TSHZ2: variants seen among roughly 807,000 people sequenced by gnomAD.
The protein encoded by TSHZ2 is teashirt zinc finger homeobox 2.
TSHZ2 carries 21 observed loss-of-function variants against 74.4 expected under a neutral mutation model. The observed-to-expected ratio is 0.28, with a 90% CI of 0.20 to 0.41. The LOEUF (loss-of-function observed/expected upper bound fraction) is 0.41, where lower values mean the gene tolerates loss of function less well. Among genes scored for constraint, TSHZ2 ranks in the 10% least tolerant of loss-of-function variants. The pLI, the probability that TSHZ2 is intolerant of heterozygous loss-of-function variation, is 1.00. For synonymous variants in TSHZ2, 540 were observed against 515.3 expected (o/e 1.05, Z -0.65); for missense variants, 1,244 against 1,293.5 (o/e 0.96, Z 0.59).
chr20:53,265,187 C>G (rs1320265661), intron 2 of TSHZ2, among the ~76,000 whole-genome samples: 1 of 152,178 alleles, frequency 6.6e-6, no homozygotes, highest in African/African-American at 2.4e-5. Flanking sequence ...GGTTCAGTGA[C>G]TTAACCCAGG....
intron 1 of TSHZ2, among the ~76,000 whole-genome samples, chr20:53,044,619 A>G (rs6097204): frequency 0.014 from 2,137 of 152,286 alleles, 52 homozygotes; most frequent in African/African-American, 0.044. Flanking sequence ...CCAACTCTGA[A>G]GTGTAAGTCA....
chr20:53,206,903 A>T (rs1262077800), intron 1 of TSHZ2, among the ~76,000 whole-genome samples: 1 of 152,084 alleles, frequency 6.6e-6, no homozygotes, highest in Non-Finnish European at 1.5e-5. Context: ...TTTTGCTCCC[A>T]TCCACCTGGT....
chr20:53,462,969 T>C (rs1209946092), intron 2 of TSHZ2, among the ~76,000 whole-genome samples: 2 of 152,176 alleles, frequency 1.3e-5, no homozygotes, highest in South Asian at 2.1e-4. Flanking sequence ...CTCCCTTTTG[T>C]TGTGGGGGCC....
chr20:53,185,466 T>C, intron 1 of TSHZ2: 2 of 1,370,532 alleles, frequency 1.5e-6, no homozygotes, highest in Non-Finnish European at 1.9e-6. Flanking sequence ...GATCATGAGG[T>C]CAGGAGTTCA....
intron 1 of TSHZ2, among the ~76,000 whole-genome samples, chr20:53,086,925 G>A (rs73140208): frequency 0.044 from 6,712 of 152,264 alleles, 205 homozygotes; most frequent in Non-Finnish European, 0.067. Context: ...CATGTTAGAC[G>A]TGAAATGCTA....
rs1986331345 is a variant in TSHZ2 at position 53,487,765 on chromosome 20, T to G, written c.*630T>G. On this transcript the variant is annotated 3_prime_UTR_variant, in exon 3 of 3. Coordinates refer to ENST00000371497, the MANE Select transcript of TSHZ2 (RefSeq NM_173485.6). ...GAAGAATTATTAAGTTAAACCAGAG[T>G]TTGAGCCAAGAAAACCCCTGAACAA... The G allele has an allele frequency of 6.6e-6, 1 of 152,100 alleles. No homozygotes were observed. The highest frequency in any genetic ancestry group is 2.4e-5 in the African/African-American group (1 of 41,402). The allele number at this position is 152,100 out of a possible 1,614,324, so 9.4% of individuals were successfully genotyped here. A position where few individuals can be genotyped will look rare whatever the true frequency, so the allele number is the denominator to read the frequency against.
chr20:53,454,385 C>A (rs1600653065), intron 2 of TSHZ2, among the ~76,000 whole-genome samples: 4 of 151,834 alleles, frequency 2.6e-5, no homozygotes, highest in African/African-American at 9.7e-5. Flanking sequence ...AATATGGTGA[C>A]ACCCCATCTT....
chr20:53,017,711 G>C (rs530352091), intron 1 of TSHZ2, among the ~76,000 whole-genome samples: 1 of 152,280 alleles, frequency 6.6e-6, no homozygotes, highest in East Asian at 1.9e-4. Flanking sequence ...GTGGGCTAGA[G>C]AATACTTTGA....
At chr20:53,028,112 C>T (rs979237351) in intron 1 of TSHZ2, among the ~76,000 whole-genome samples, 1 of 152,142 alleles carries the variant, frequency 6.6e-6, no homozygotes. Flanking sequence ...CTTCTCTCTG[C>T]CTTGGGCTCA....
At chr20:53,201,360 C>T (rs1988999614) in intron 1 of TSHZ2, among the ~76,000 whole-genome samples, 1 of 152,122 alleles carries the variant, frequency 6.6e-6, no homozygotes. Flanking sequence ...CTTTTTCCAG[C>T]TTCTAAAGCT....
chr20:53,463,431 G>A (rs199674851), intron 2 of TSHZ2, among the ~76,000 whole-genome samples: 2,278 of 105,364 alleles, frequency 0.022, 61 homozygotes, highest in South Asian at 0.094. Context: ...AGGAAGGAAG[G>A]AAGGAGGGAG....
intron 2 of TSHZ2, among the ~76,000 whole-genome samples, chr20:53,267,366 T>C (rs1990742511): frequency 6.6e-6 from 1 of 152,146 alleles, no homozygotes; most frequent in Non-Finnish European, 1.5e-5. Flanking sequence ...AGGGAGAGCA[T>C]GGATGGTGTG....
At chr20:53,240,501 C>T (rs1990038237) in intron 1 of TSHZ2, among the ~76,000 whole-genome samples, 1 of 152,078 alleles carries the variant, frequency 6.6e-6, no homozygotes, top group Non-Finnish European at 1.5e-5. Flanking sequence ...ACTGCAAATT[C>T]CCTTTGTACC....
chr20:53,478,884 GC>G (rs1207879818), intron 2 of TSHZ2, among the ~76,000 whole-genome samples: 6 of 151,290 alleles, frequency 4.0e-5, no homozygotes, highest in Admixed American at 1.3e-4. Context: ...AAAGAAAGGG[GC>G]CTGGCACAGT....
intron 1 of TSHZ2, among the ~76,000 whole-genome samples, chr20:53,085,303 C>A (rs1167389262): frequency 6.6e-6 from 1 of 151,882 alleles, no homozygotes; most frequent in Non-Finnish European, 1.5e-5. Context: ...GGGCGGAGGT[C>A]GCAGTGAGCC....
intron 1 of TSHZ2, among the ~76,000 whole-genome samples, chr20:53,005,273 G>A (rs552381341): frequency 6.6e-6 from 1 of 152,082 alleles, no homozygotes; most frequent in Admixed American, 6.5e-5. Context: ...AGATCACACC[G>A]TGCACTCCAG....
At chr20:53,421,100 CCT>C (rs1299360609) in intron 2 of TSHZ2, 1 of 152,264 alleles carries the variant, frequency 6.6e-6, no homozygotes, top group Non-Finnish European at 1.5e-5. Flanking sequence ...CACTGAGCAG[CCT>C]CTTACTAAAT....
intron 1 of TSHZ2, among the ~76,000 whole-genome samples, chr20:53,009,948 C>T (rs1239646385): frequency 6.6e-6 from 1 of 152,156 alleles, no homozygotes; most frequent in Admixed American, 6.5e-5. Flanking sequence ...GGCTTCGTGG[C>T]ATCTTGTGTT....
chr20:53,081,143 G>C (rs1467063145), intron 1 of TSHZ2, among the ~76,000 whole-genome samples: 2 of 152,094 alleles, frequency 1.3e-5, no homozygotes, highest in African/African-American at 4.8e-5. Flanking sequence ...AGCCTCCCAA[G>C]TATCTGGGAC....
Sources: gnomAD v4.1 joint callset for allele counts (sites outside exome capture counted in the v4.1 genomes callset) on GRCh38, gnomAD v4.1.1 for gene constraint, MANE v1.5 for transcripts, NCBI Gene and HGNC (gene_info 2026-07-23, HGNC 2026-07-21) for gene names.